PRELID2: variants seen among roughly 807,000 people sequenced by gnomAD.
PRELID2 encodes PRELI domain containing 2, also known as PRELI domain-containing protein 2.
Under a neutral mutation model 28.4 loss-of-function variants are expected in PRELID2, and 25 were observed. That is an observed-to-expected ratio of 0.88 (90% CI 0.64 to 1.23). PRELID2 has a LOEUF of 1.23. Ranked by LOEUF, PRELID2 falls within the 50% of genes most tolerant of loss-of-function variation. The pLI is 0.00. For missense variants in PRELID2, 201 were observed against 214.4 expected (o/e 0.94, Z 0.39); for synonymous variants, 76 against 71.6 (o/e 1.06, Z -0.31).
At chr5:145,434,466 G>A in the PRELID2 span, among the ~76,000 whole-genome samples, 1 of 152,154 alleles carries the variant, frequency 6.6e-6, no homozygotes, top group African/African-American at 2.4e-5. Flanking sequence ...ACGTACACAT[G>A]TACAGAGACA....
the PRELID2 span, among the ~76,000 whole-genome samples, chr5:145,434,563 A>C: frequency 3.3e-5 from 5 of 152,176 alleles, no homozygotes; most frequent in Non-Finnish European, 4.4e-5. Context: ...TAATGAGTTC[A>C]TTCTCTTCAC....
At chr5:145,298,624 C>T in the PRELID2 span, among the ~76,000 whole-genome samples, 5 of 152,164 alleles carry the variant, frequency 3.3e-5, no homozygotes, top group Admixed American at 6.6e-5. Flanking sequence ...CTTCCATTTT[C>T]TGCCATGTGA....
intron 1 of PRELID2, among the ~76,000 whole-genome samples, chr5:145,682,940 C>T (rs1346656147): frequency 7.2e-5 from 11 of 152,088 alleles, no homozygotes; most frequent in Non-Finnish European, 1.3e-4. Flanking sequence ...CATCATGGGA[C>T]TAGCAGGGGA....
intron 1 of PRELID2, among the ~76,000 whole-genome samples, chr5:145,651,893 A>C (rs1473587835): frequency 6.6e-6 from 1 of 152,270 alleles, no homozygotes; most frequent in Non-Finnish European, 1.5e-5. Flanking sequence ...AATGGAACAA[A>C]GCTGGATGGA....
intron 1 of PRELID2, among the ~76,000 whole-genome samples, chr5:145,740,704 A>T (rs1374653490): frequency 3.3e-5 from 4 of 119,930 alleles, no homozygotes; most frequent in Non-Finnish European, 6.4e-5. Flanking sequence ...ATTTATATTA[A>T]ATATAATATA....
chr5:145,707,931 A>G (rs1388989577), intron 1 of PRELID2, among the ~76,000 whole-genome samples: 2 of 152,096 alleles, frequency 1.3e-5, no homozygotes, highest in Non-Finnish European at 2.9e-5. Context: ...ACCCCACACA[A>G]TCTTGCCTTG....
chr5:145,709,595 A>C (rs1285081817), intron 1 of PRELID2, among the ~76,000 whole-genome samples: 1 of 151,888 alleles, frequency 6.6e-6, no homozygotes, highest in Non-Finnish European at 1.5e-5. Flanking sequence ...AAAAAAAAAA[A>C]ACAAAATGAA....
At chr5:145,522,757 A>AAGG (rs10630945) in intron 1 of PRELID2, among the ~76,000 whole-genome samples, 63,294 of 149,702 alleles carry the variant, frequency 0.42, 14,562 homozygotes, top group East Asian at 0.91. Context: ...TTGGAAGAAA[A>AAGG]AGGAGGAGGA....
chr5:145,535,828 CT>C (rs1240803499), intron 1 of PRELID2, among the ~76,000 whole-genome samples: 1 of 151,832 alleles, frequency 6.6e-6, no homozygotes, highest in Non-Finnish European at 1.5e-5. Context: ...TCACTTCTTC[CT>C]TTAGTTCTGA....
intron 1 of PRELID2, among the ~76,000 whole-genome samples, chr5:145,623,789 A>G (rs1044918248): frequency 1.3e-5 from 2 of 152,206 alleles, no homozygotes; most frequent in Admixed American, 6.5e-5. Flanking sequence ...CACCAAATGC[A>G]TACAGCTTTT....
At chr5:145,613,954 A>G (rs183875509) in intron 1 of PRELID2, among the ~76,000 whole-genome samples, 1 of 152,286 alleles carries the variant, frequency 6.6e-6, no homozygotes, top group Admixed American at 6.5e-5. Context: ...AGTTTCAGGT[A>G]TTAGATTTAA....
In PRELID2 at chr5:145,765,015, A is replaced by G. The variant is rs1757661772; in HGVS notation, c.475-15T>C. 1 of 1,543,986 alleles carries G rather than the reference A, an allele frequency of 6.5e-7. No individual in the cohort carries two copies. Among genetic ancestry groups the G allele is most frequent in the Non-Finnish European group, 8.8e-7 (1 of 1,132,316 alleles). On this transcript the variant is annotated splice_polypyrimidine_tract_variant and intron_variant, in intron 5 of 6. Transcript: ENST00000683046. ...ATTCTAATTCCCTATAGAAAGAAGG[A>G]AAAAAAATTAAAATGCCCTATTTCA... is the stretch of plus-strand genomic sequence containing the variant.
At chr5:145,556,177 CAAAAA>C (rs1231402100) in intron 1 of PRELID2, among the ~76,000 whole-genome samples, 2 of 61,208 alleles carry the variant, frequency 3.3e-5, no homozygotes, top group African/African-American at 1.0e-4. Flanking sequence ...GACTCTATCT[CAAAAA>C]AAAAAAAAAA....
intron 1 of PRELID2, among the ~76,000 whole-genome samples, chr5:145,576,208 A>G (rs1164312038): frequency 1.3e-5 from 2 of 152,138 alleles, no homozygotes; most frequent in African/African-American, 4.8e-5. Context: ...AATCATCACT[A>G]TGTTAAACTT....
At chr5:145,317,570 C>A in the PRELID2 span, among the ~76,000 whole-genome samples, 1 of 152,174 alleles carries the variant, frequency 6.6e-6, no homozygotes, top group Non-Finnish European at 1.5e-5. Context: ...AGGCTTCTTA[C>A]TGGATTTGAA....
At chr5:145,818,998 A>G (rs976232429) in intron 3 of PRELID2, among the ~76,000 whole-genome samples, 1 of 152,096 alleles carries the variant, frequency 6.6e-6, no homozygotes, top group Non-Finnish European at 1.5e-5. Flanking sequence ...GATAGTGAAT[A>G]AGTCTCACCA....
At chr5:145,359,978 A>G in the PRELID2 span, among the ~76,000 whole-genome samples, 1 of 152,206 alleles carries the variant, frequency 6.6e-6, no homozygotes, top group East Asian at 1.9e-4. Flanking sequence ...AGAAAAAAGA[A>G]TTCCTGAGGG....
chr5:145,633,304 ATATAG>A (rs1484904874), intron 1 of PRELID2, among the ~76,000 whole-genome samples: 1 of 152,140 alleles, frequency 6.6e-6, no homozygotes, highest in African/African-American at 2.4e-5. Flanking sequence ...TAAAAACCTA[ATATAG>A]TAAAGAGACA....
the PRELID2 span, among the ~76,000 whole-genome samples, chr5:145,415,912 T>C: frequency 2.6e-5 from 4 of 152,092 alleles, no homozygotes; most frequent in Non-Finnish European, 2.9e-5. Context: ...GTAAAAGTGT[T>C]CCTATTTCTC....
Sources: gnomAD v4.1 joint callset for allele counts (sites outside exome capture counted in the v4.1 genomes callset) on GRCh38, gnomAD v4.1.1 for gene constraint, MANE v1.5 for transcripts, NCBI Gene and HGNC (gene_info 2026-07-23, HGNC 2026-07-21) for gene names.